NKD1: variants seen among roughly 807,000 people sequenced by gnomAD.
The protein encoded by NKD1 is NKD inhibitor of Wnt signaling pathway 1.
Under a neutral mutation model 56.0 loss-of-function variants are expected in NKD1, and 21 were observed. The ratio of observed to expected loss-of-function variants is 0.38; its 90% CI spans 0.27 to 0.54. The LOEUF (loss-of-function observed/expected upper bound fraction) is 0.54, where lower values mean the gene tolerates loss of function less well. Ranked by LOEUF, NKD1 falls within the 20% of genes least tolerant of loss-of-function variation. The probability of loss-of-function intolerance (pLI) is 0.82; values close to 1 mark genes in which losing one functional copy is unlikely to be tolerated. For synonymous variants in NKD1, 263 were observed against 265.7 expected (o/e 0.99, Z 0.10); for missense variants, 578 against 642.7 (o/e 0.90, Z 1.09).
chr16:50,567,072 A>G (rs1457643167), intron 3 of NKD1, among the ~76,000 whole-genome samples: 2 of 150,594 alleles, frequency 1.3e-5, no homozygotes, highest in Non-Finnish European at 2.9e-5. Flanking sequence ...TGATCTCCCA[A>G]TTTGAGGGGT....
At chr16:50,593,375 A>G (rs981808063) in intron 3 of NKD1, among the ~76,000 whole-genome samples, 2 of 151,978 alleles carry the variant, frequency 1.3e-5, no homozygotes, top group Admixed American at 6.6e-5. Context: ...TGATGTCAGG[A>G]CCCCTTTTGC....
chr16:50,633,438 G>A lies in NKD1; in HGVS notation c.1070G>A (p.Gly357Asp), dbSNP rs759326348. Residue 357 changes from glycine (G) to aspartate (D), a missense_variant, in exon 10 of 10, where the codon GGT becomes GAT. Coordinates refer to ENST00000268459, the MANE Select transcript of NKD1 (RefSeq NM_033119.5). The surrounding 1 kb of genome is among the most constrained non-coding windows in gnomAD (Gnocchi z 4.9). ...RSPKAQGKSV[G>D]VGHVARGARN... The stretch of plus-strand genomic sequence containing the variant: ...CCCAAGGCCCAGGGCAAGAGTGTGG[G>A]TGTGGGCCACGTGGCCAGAGGGGCA... The A allele has an allele frequency of 6.2e-7, 1 of 1,611,276 alleles. No individual in the cohort carries two copies. Among genetic ancestry groups the A allele is most frequent in the Non-Finnish European group, 8.5e-7 (1 of 1,178,342 alleles).
chr16:50,621,101 T>C (rs1962076200), intron 4 of NKD1, among the ~76,000 whole-genome samples: 1 of 152,260 alleles, frequency 6.6e-6, no homozygotes, highest in Non-Finnish European at 1.5e-5. Context: ...TGCACTTCTT[T>C]GCCAACCCAG....
rs1165312421 is a variant in NKD1, at chr16:50,646,758, C to T, written c.*12977C>T. 3 of 152,310 alleles carry T rather than the reference C, an allele frequency of 2.0e-5. No homozygotes were observed. The highest frequency in any genetic ancestry group is 2.9e-5 in the Non-Finnish European group (2 of 68,132). 9.4% of individuals were successfully genotyped at this position (152,310 alleles called of 1,614,324 possible). ...AGGGGGCTCCAAGGCAGGATGGGAC[C>T]CCCTGGTTTGGGAAAATCAGAAAAG... On this transcript the variant is annotated 3_prime_UTR_variant, in exon 10 of 10. Coordinates refer to ENST00000268459, the MANE Select transcript of NKD1 (RefSeq NM_033119.5).
rs938175280 is a variant in NKD1, at chr16:50,633,824, C to A, written c.*43C>A. 1.1e-6 allele frequency: 1 copy of A among 899,482 alleles called. No homozygotes were observed. Among genetic ancestry groups the A allele is most frequent in the Non-Finnish European group, 1.6e-6 (1 of 607,142 alleles). 55.7% of individuals were successfully genotyped at this position (899,482 alleles called of 1,614,324 possible). ...CCACCCTGCCATATGAAGGACCCCACCCCCGACACCACAAGGCATTATTAT... is the reference window on the plus strand; with the variant it reads ...CCACCCTGCCATATGAAGGACCCCAACCCCGACACCACAAGGCATTATTAT... On this transcript the variant is annotated 3_prime_UTR_variant, in exon 10 of 10. Transcript: ENST00000268459. This position sits in a 1 kb window ranked among gnomAD's most constrained non-coding sequence, Gnocchi z 4.9.
rs564369886 is a variant in NKD1 at position 50,641,793 on chromosome 16, G to A, written c.*8012G>A. ...TTCAGGCATGGGAGGACTTTCATGG[G>A]GAAGTCTTTGGGGCAGTCCTGGAGA... On this transcript the variant is annotated 3_prime_UTR_variant, in exon 10 of 10. Transcript: ENST00000268459. 6.6e-6 allele frequency: 1 copy of A among 152,416 alleles called. No homozygotes were observed. The highest frequency in any genetic ancestry group is 2.1e-4 in the South Asian group (1 of 4,844). 9.4% of individuals were successfully genotyped at this position (152,416 alleles called of 1,614,324 possible). A position where few individuals can be genotyped will look rare whatever the true frequency, so the allele number is the denominator to read the frequency against.
Position 50,630,256 on chromosome 16 carries a change from G to A in NKD1, c.533G>A (p.Ser178Asn). ...TCTGTCAACCACTCCCCAACATCCA[G>A]CAAGATGCTGCGGGTAAAGCTCACC... ...DSSVNHSPTS[S>N]KMLRVKLTVA... The change falls in exon 7 of 10, where the codon AGC becomes AAC. Residue 178 changes from serine to asparagine, a missense_variant. Physicochemically the swap from Ser to Asn is conservative, Grantham distance 46 (BLOSUM62 1). Coordinates refer to ENST00000268459, the MANE Select transcript of NKD1 (RefSeq NM_033119.5). The A allele has an allele frequency of 6.2e-7, 1 of 1,614,162 alleles. No individual in the cohort carries two copies. The highest frequency in any genetic ancestry group is 8.5e-7 in the Non-Finnish European group (1 of 1,180,032).
intron 3 of NKD1, among the ~76,000 whole-genome samples, chr16:50,605,456 C>T (rs976625351): frequency 2.0e-5 from 3 of 152,186 alleles, no homozygotes; most frequent in African/African-American, 4.8e-5. Context: ...AATAAATACA[C>T]GCTTACACAG....
rs1009762009 is a variant in NKD1, at chr16:50,646,348, A to G, written c.*12567A>G. The G allele has an allele frequency of 7.6e-6, 1 of 131,116 alleles. No individual in the cohort carries two copies. Among genetic ancestry groups the G allele is most frequent in the African/African-American group, 2.8e-5 (1 of 35,352 alleles). 8.1% of individuals were successfully genotyped at this position (131,116 alleles called of 1,614,324 possible). On this transcript the variant is annotated 3_prime_UTR_variant, in exon 10 of 10. Coordinates refer to ENST00000268459, the MANE Select transcript of NKD1 (RefSeq NM_033119.5). Reference sequence around the variant, plus strand: ...AGATTTTCCCTACAAAGAGGTTTCCAAAAAAGACGAGGAAGAAAAAGAGGG... The same window carrying G: ...AGATTTTCCCTACAAAGAGGTTTCCGAAAAAGACGAGGAAGAAAAAGAGGG...
At chr16:50,550,187 A>T (rs1350155711) in intron 3 of NKD1, among the ~76,000 whole-genome samples, 1 of 151,644 alleles carries the variant, frequency 6.6e-6, no homozygotes, top group African/African-American at 2.4e-5. Flanking sequence ...GAGGAGCACT[A>T]AGTGTGATGG....
At chr16:50,591,325 G>A (rs1390985683) in intron 3 of NKD1, among the ~76,000 whole-genome samples, 1 of 152,184 alleles carries the variant, frequency 6.6e-6, no homozygotes, top group Non-Finnish European at 1.5e-5. Context: ...GGGAGGGTTG[G>A]GTGCTGGGTT....
rs1231498659 is a variant in NKD1 at position 50,623,082 on chromosome 16, C to T, written c.366+1374C>T. ...AGCCTTTGGGGTGAGAAGGGCCTAT[C>T]AGGCAGAGGGAGCTGCAGGAGCAAA... On this transcript the variant is annotated intron_variant, in intron 5 of 9. Coordinates refer to ENST00000268459, the MANE Select transcript of NKD1 (RefSeq NM_033119.5). This position sits in a 1 kb window ranked among gnomAD's most constrained non-coding sequence, Gnocchi z 4.1. 1.3e-5 allele frequency among the ~76,000 whole-genome samples: 2 copies of T among 152,116 alleles called. No homozygotes were observed. The highest frequency in any genetic ancestry group is 1.9e-4 in the East Asian group (1 of 5,160).
At chr16:50,586,580 A>C (rs1382042211) in intron 3 of NKD1, among the ~76,000 whole-genome samples, 2 of 152,152 alleles carry the variant, frequency 1.3e-5, no homozygotes, top group African/African-American at 4.8e-5. Context: ...AGTATGTCAT[A>C]GGCCATAGCA....
At chr16:50,555,097 G>A (rs1191475860) in intron 3 of NKD1, among the ~76,000 whole-genome samples, 1 of 152,174 alleles carries the variant, frequency 6.6e-6, no homozygotes, top group Admixed American at 6.5e-5. Context: ...TGGGAGGGAG[G>A]GGGCAGGATG....
rs576039156 is a variant in NKD1 at position 50,549,360 on chromosome 16, C to T, written c.59-62C>T. 1.0e-5 allele frequency: 16 copies of T among 1,577,056 alleles called. No homozygotes were observed. The South Asian group carries it at 1.4e-4, about 13-fold the overall frequency. On this transcript the variant is annotated intron_variant, in intron 2 of 9. Transcript: ENST00000268459. ...TCCCACCGCGCCTCCTTCTTCCCTC[C>T]GCGGGGGTAACTTTTGGCACCTGGA...
chr16:50,590,763 C>T (rs933575665), intron 3 of NKD1, among the ~76,000 whole-genome samples: 3 of 152,202 alleles, frequency 2.0e-5, no homozygotes, highest in Non-Finnish European at 4.4e-5. Flanking sequence ...CTGGCAATGC[C>T]GTTTGCTCCT....
intron 3 of NKD1, among the ~76,000 whole-genome samples, chr16:50,602,587 A>AC (rs916981599): frequency 7.0e-4 from 106 of 150,488 alleles, no homozygotes; most frequent in Admixed American, 2.0e-3. Flanking sequence ...GGGGTTTATG[A>AC]CCCCCCCCAC....
At chr16:50,574,058 A>G in intron 3 of NKD1, 1 of 846,740 alleles carries the variant, frequency 1.2e-6, no homozygotes, top group Non-Finnish European at 1.4e-6. Context: ...AAATAGTCTC[A>G]CTCCCGTTTT....
At chr16:50,617,165 G>A (rs1001768000) in intron 4 of NKD1, among the ~76,000 whole-genome samples, 10 of 152,158 alleles carry the variant, frequency 6.6e-5, no homozygotes, top group South Asian at 2.1e-4. Flanking sequence ...CACAGCATGC[G>A]GTCCCCAAGG....
Sources: gnomAD v4.1 joint callset for allele counts (sites outside exome capture counted in the v4.1 genomes callset) on GRCh38, gnomAD v4.1.1 for gene constraint, Gnocchi (gnomAD v3.1) non-coding constraint, MANE v1.5 for transcripts, NCBI Gene and HGNC (gene_info 2026-07-23, HGNC 2026-07-21) for gene names.